Variants in CAPZB observed in about 807,000 individuals in gnomAD.
CAPZB encodes capping actin protein of muscle Z-line subunit beta, also known as F-actin-capping protein subunit beta.
A neutral mutation model predicts 38.1 loss-of-function variants in CAPZB; 2 were observed. The ratio of observed to expected loss-of-function variants is 0.05; its 90% CI spans 0.02 to 0.17. The LOEUF is 0.17. Among genes scored for constraint, CAPZB ranks in the 10% least tolerant of loss-of-function variants. The pLI is 1.00. For missense variants in CAPZB, 161 were observed against 334.2 expected (o/e 0.48, Z 4.04); for synonymous variants, 107 against 127.4 (o/e 0.84, Z 1.08).
chr1:19,470,600 T>C (rs921661628), intron 1 of CAPZB, among the ~76,000 whole-genome samples: 2 of 152,136 alleles, frequency 1.3e-5, no homozygotes, highest in African/African-American at 4.8e-5. Context: ...GTGTTAGACA[T>C]AGGACCTGAT....
At chr1:19,385,470 G>C (rs1438380162) in intron 3 of CAPZB, 35 bp downstream of exon 3, 1 of 1,610,888 alleles carries the variant, frequency 6.2e-7, no homozygotes. Context: ...GCGTGTGCCT[G>C]CTGTGCCTGC....
At chr1:19,395,014 G>A (rs55886853) in intron 2 of CAPZB, among the ~76,000 whole-genome samples, 1,964 of 152,296 alleles carry the variant, frequency 0.013, 22 homozygotes, top group Non-Finnish European at 0.021. Flanking sequence ...GCCACCGCGC[G>A]CCAGGTGCTT....
chr1:19,428,474 C>T (rs2094431353), intron 1 of CAPZB, among the ~76,000 whole-genome samples: 1 of 151,958 alleles, frequency 6.6e-6, no homozygotes, highest in Admixed American at 6.6e-5. Context: ...AATTCAGTGG[C>T]TATGTTAAGG....
intron 6 of CAPZB, among the ~76,000 whole-genome samples, chr1:19,348,759 A>AGGGG (rs34640043): frequency 2.0e-5 from 2 of 98,318 alleles, no homozygotes; most frequent in African/African-American, 8.3e-5. Flanking sequence ...GCATCTGACA[A>AGGGG]GGGGGGGGGG....
rs529937756 is a variant in CAPZB at position 19,408,273 on chromosome 1, TA to T, written c.93+11387del. ...GGCCCTAGGAAGCCAACAAAGGCAG[TA>T]AAGGCAACAGCCAGCATCAATTAAG... On this transcript the variant is annotated intron_variant, in intron 2 of 8. Coordinates refer to ENST00000264202, the MANE Select transcript of CAPZB (RefSeq NM_004930.5). 3.5e-3 allele frequency among the ~76,000 whole-genome samples: 537 copies of T among 152,332 alleles called. 3 individuals carry two copies. Among genetic ancestry groups the T allele is most frequent in the Non-Finnish European group, 5.5e-3 (374 of 68,038 alleles).
Position 19,485,444 on chromosome 1 carries a change from C to T in CAPZB, c.-6G>A, listed in dbSNP as rs550604780. ...GGCCGTGCGGCCTTTACCATGGTGGCGGCGGCGGCGGCGGTCCCGGTCCCG... is the reference window on the plus strand; with the variant it reads ...GGCCGTGCGGCCTTTACCATGGTGGTGGCGGCGGCGGCGGTCCCGGTCCCG... On this transcript the variant is annotated 5_prime_UTR_variant, in exon 1 of 9. Coordinates refer to ENST00000264202, the MANE Select transcript of CAPZB (RefSeq NM_004930.5). The T allele has an allele frequency of 0.029, 35,175 of 1,217,638 alleles. 577 individuals are homozygous for T. Among genetic ancestry groups the T allele is most frequent in the Non-Finnish European group, 0.033 (32,329 of 976,666 alleles). 75.4% of individuals were successfully genotyped at this position (1,217,638 alleles called of 1,614,324 possible). A position where few individuals can be genotyped will look rare whatever the true frequency, so the allele number is the denominator to read the frequency against.
intron 2 of CAPZB, among the ~76,000 whole-genome samples, chr1:19,404,148 G>A (rs912955643): frequency 3.4e-5 from 5 of 146,296 alleles, no homozygotes; most frequent in Admixed American, 7.1e-5. Context: ...CAGGAGAATC[G>A]CTTGAATTGG....
In CAPZB at chr1:19,375,146, G is replaced by A. The variant is rs76593692; in HGVS notation, c.329+3394C>T. On this transcript the variant is annotated intron_variant, in intron 4 of 8. Transcript: ENST00000264202. ...TCTGGGAATGGGAACTTCTGGAGATGAGCAATGTACCACAATGTACCAAGA... is the reference window on the plus strand; with the variant it reads ...TCTGGGAATGGGAACTTCTGGAGATAAGCAATGTACCACAATGTACCAAGA... Among the ~76,000 whole-genome samples, 166 of 152,300 alleles carry A rather than the reference G, an allele frequency of 1.1e-3. 2 individuals are homozygous for A. The East Asian group carries it at 0.031, about 28-fold the overall frequency.
chr1:19,391,855 T>C (rs2094237619), intron 2 of CAPZB, among the ~76,000 whole-genome samples: 1 of 152,186 alleles, frequency 6.6e-6, no homozygotes, highest in Non-Finnish European at 1.5e-5. Flanking sequence ...GGCCCTGCTC[T>C]GACAGCAAAG....
At position 19,420,591 on chromosome 1, in the gene CAPZB, GT is replaced by G. The variant is rs200955872; in HGVS notation, c.4-842del. Among the ~76,000 whole-genome samples, 39 of 129,514 alleles carry G rather than the reference GT, an allele frequency of 3.0e-4. No individual in the cohort carries two copies. In the East Asian group the frequency reaches 4.6e-3, roughly 15 times the overall value. The allele number at this position is 129,514 out of a possible 152,430, so 85.0% of individuals were successfully genotyped here. On this transcript the variant is annotated intron_variant, in intron 1 of 8. Transcript: ENST00000264202. The stretch of plus-strand genomic sequence containing the variant: ...GCCACCACACCTGGCTAATTTTGTA[GT>G]TTTTTTTGGGGGGGAGGGGGGGAAC...
intron 2 of CAPZB, among the ~76,000 whole-genome samples, chr1:19,405,232 C>T (rs929707118): frequency 6.6e-6 from 1 of 152,066 alleles, no homozygotes; most frequent in Non-Finnish European, 1.5e-5. Flanking sequence ...TTATTTGTGG[C>T]CATATCGACA....
rs1259459832 is a variant in CAPZB at position 19,359,233 on chromosome 1, G to C, written c.330-1670C>G. 7.3e-3 allele frequency among the ~76,000 whole-genome samples: 268 copies of C among 36,898 alleles called. 2 individuals are homozygous for C. Among genetic ancestry groups the C allele is most frequent in the African/African-American group, 0.026 (259 of 10,052 alleles). The allele number at this position is 36,898 out of a possible 152,430, so 24.2% of individuals were successfully genotyped here. A position where few individuals can be genotyped will look rare whatever the true frequency, so the allele number is the denominator to read the frequency against. ...CTCTTTTTTTTTTTTTTTTTTTTTT[G>C]CAATTTTACAGTAAGTCATACCATT... On this transcript the variant is annotated intron_variant, in intron 4 of 8. Transcript: ENST00000264202.
At chr1:19,353,435 G>A (rs1194218831) in intron 6 of CAPZB, among the ~76,000 whole-genome samples, 1 of 151,562 alleles carries the variant, frequency 6.6e-6, no homozygotes, top group South Asian at 2.1e-4. Flanking sequence ...CCCTGACCAC[G>A]CCACGCCAGA....
chr1:19,464,587 C>T (rs920343399), intron 1 of CAPZB, among the ~76,000 whole-genome samples: 3 of 152,032 alleles, frequency 2.0e-5, no homozygotes, highest in Admixed American at 2.0e-4. Context: ...CCACCGCACC[C>T]GGCCCTATCT....
At chr1:19,349,437 G>A (rs929495637) in intron 6 of CAPZB, among the ~76,000 whole-genome samples, 9 of 152,104 alleles carry the variant, frequency 5.9e-5, no homozygotes, top group African/African-American at 2.2e-4. Flanking sequence ...GAAGGGATGA[G>A]GGTTTTGAGC....
At chr1:19,415,296 T>G (rs1220002605) in intron 2 of CAPZB, among the ~76,000 whole-genome samples, 2 of 152,230 alleles carry the variant, frequency 1.3e-5, no homozygotes, top group African/African-American at 2.4e-5. Context: ...GGAGCAGCAG[T>G]GCATTAGCTA....
intron 4 of CAPZB, among the ~76,000 whole-genome samples, chr1:19,365,791 G>A (rs904166693): frequency 6.6e-6 from 1 of 151,852 alleles, no homozygotes; most frequent in African/African-American, 2.4e-5. Context: ...CCGAGATCAT[G>A]CCATTGCACT....
intron 4 of CAPZB, among the ~76,000 whole-genome samples, chr1:19,375,702 T>G (rs1365976446): frequency 1.3e-5 from 2 of 152,130 alleles, no homozygotes; most frequent in Non-Finnish European, 2.9e-5. Context: ...CAAATACACA[T>G]TTCCCAGGGA....
intron 1 of CAPZB, among the ~76,000 whole-genome samples, chr1:19,468,955 A>C (rs540168992): frequency 1.3e-5 from 2 of 152,300 alleles, no homozygotes; most frequent in Admixed American, 1.3e-4. Flanking sequence ...ACAGCCCCTG[A>C]CAGCAATTAT....
Sources: allele counts gnomAD v4.1 joint callset (sites outside exome capture counted in the v4.1 genomes callset), GRCh38; gene constraint gnomAD v4.1.1; transcripts MANE v1.5; gene names NCBI Gene and HGNC (gene_info 2026-07-23, HGNC 2026-07-21).